The following RBFOX1 variants were observed in gnomAD, a reference collection of about 807,000 sequenced individuals.
RBFOX1 encodes the protein RNA binding fox-1 homolog 1, also known as RNA binding protein fox-1 homolog 1.
In RBFOX1, 8 loss-of-function variants were observed where a neutral mutation model predicts 57.7. That is an observed-to-expected ratio of 0.14 (90% CI 0.08 to 0.25). The LOEUF (loss-of-function observed/expected upper bound fraction) is 0.25, where lower values mean the gene tolerates loss of function less well. Among genes scored for constraint, RBFOX1 ranks in the 10% least tolerant of loss-of-function variants. RBFOX1 has a pLI of 1.00. For synonymous variants in RBFOX1, 326 were observed against 222.4 expected (o/e 1.47, Z -4.15); for missense variants, 611 against 548.5 (o/e 1.11, Z -1.14).
rs34468596 is a variant in RBFOX1, at chr16:7,610,118, CT to C, written c.676+2801del. Among the ~76,000 whole-genome samples the C allele has an allele frequency of 1.6e-3, 108 of 65,616 alleles. 1 individual carries two copies. The highest frequency in any genetic ancestry group is 0.012 in the East Asian group (34 of 2,912). The allele number at this position is 65,616 out of a possible 152,430, so 43.0% of individuals were successfully genotyped here. The stretch of plus-strand genomic sequence containing the variant: ...GGTGTGAGCCACTGCGCCCGGCCCC[CT>C]TTTTTTTTTTTTTTTTTTTTGAGGC... On this transcript the variant is annotated intron_variant, in intron 10 of 15. Transcript: ENST00000550418.
At chr16:6,779,785 TTTTATATATACTTTTATATATTTA>T (rs1567208208) in intron 3 of RBFOX1, among the ~76,000 whole-genome samples, 72 of 4,132 alleles carry the variant, frequency 0.017, 9 homozygotes, top group East Asian at 0.083. Context: ...TTATATATAT[TTTTATATATACTTTTATATATTTA>T]TATATATATT....
intron 2 of RBFOX1, among the ~76,000 whole-genome samples, chr16:6,611,727 G>A (rs534144338): frequency 2.4e-4 from 37 of 152,246 alleles, no homozygotes; most frequent in Middle Eastern, 6.8e-3. Flanking sequence ...CCCAGTAGAG[G>A]GCGTGAGTGG....
chr16:7,512,299 A>T (rs1469085616), intron 4 of RBFOX1, among the ~76,000 whole-genome samples: 1 of 152,170 alleles, frequency 6.6e-6, no homozygotes, highest in African/African-American at 2.4e-5. Context: ...GGTGCCCTTA[A>T]TGTCAGTGTA....
At chr16:7,663,980 G>A (rs1251554820) in intron 12 of RBFOX1, among the ~76,000 whole-genome samples, 2 of 152,146 alleles carry the variant, frequency 1.3e-5, no homozygotes, top group East Asian at 3.9e-4. Context: ...GCCCTCTGAA[G>A]TCTCTTCTTT....
chr16:5,593,407 G>A (rs886865085), intron 2 of RBFOX1, among the ~76,000 whole-genome samples: 2 of 152,114 alleles, frequency 1.3e-5, no homozygotes, highest in African/African-American at 4.8e-5. Flanking sequence ...GGGTTGATGG[G>A]TGCAGCAAAC....
At chr16:6,073,025 T>A (rs1012099394) in intron 1 of RBFOX1, among the ~76,000 whole-genome samples, 1 of 152,198 alleles carries the variant, frequency 6.6e-6, no homozygotes, top group African/African-American at 2.4e-5. Context: ...GAAAGGCTAG[T>A]GTATTTATGG....
rs549352602 is a variant in RBFOX1 at position 6,902,938 on chromosome 16, C to T, written c.-15-149119C>T. 1.5e-3 allele frequency among the ~76,000 whole-genome samples: 222 copies of T among 152,174 alleles called. 1 individual carries two copies. Among genetic ancestry groups the T allele is most frequent in the African/African-American group, 5.1e-3 (213 of 41,502 alleles). ...ATGTAGATTCTACTCTTTACTTGTT[C>T]GGGGCTTACAAGGGAGCAGAGAAGA... On this transcript the variant is annotated intron_variant, in intron 3 of 15. Coordinates refer to ENST00000550418, the MANE Select transcript of RBFOX1 (RefSeq NM_018723.4).
At chr16:7,135,560 A>T (rs1205248076) in intron 4 of RBFOX1, among the ~76,000 whole-genome samples, 1 of 152,258 alleles carries the variant, frequency 6.6e-6, no homozygotes, top group Non-Finnish European at 1.5e-5. Flanking sequence ...AACTTGTGAA[A>T]AATTAAAGTG....
At chr16:6,999,037 T>G (rs2092524742) in intron 3 of RBFOX1, among the ~76,000 whole-genome samples, 1 of 151,400 alleles carries the variant, frequency 6.6e-6, no homozygotes, top group East Asian at 1.9e-4. Context: ...CCTGGCTAAT[T>G]TTTGTATTAT....
At chr16:6,805,004 A>T (rs2086395403) in intron 3 of RBFOX1, among the ~76,000 whole-genome samples, 1 of 152,190 alleles carries the variant, frequency 6.6e-6, no homozygotes. Context: ...AAGATCTGAA[A>T]ACTGAATACC....
At chr16:6,950,361 TCTCTGTCC>T (rs766557418) in intron 3 of RBFOX1, among the ~76,000 whole-genome samples, 124 of 152,170 alleles carry the variant, frequency 8.1e-4, no homozygotes, top group Admixed American at 1.4e-3. Context: ...CTTGTGTGGA[TCTCTGTCC>T]CTCTGTCCAC....
chr16:5,970,908 A>C (rs1426607777), intron 4 of RBFOX1, among the ~76,000 whole-genome samples: 2 of 152,210 alleles, frequency 1.3e-5, no homozygotes, highest in African/African-American at 2.4e-5. Context: ...GTTGTCAAGC[A>C]TGTGTTCTCA....
At chr16:7,247,247 A>G (rs958654442) in intron 4 of RBFOX1, among the ~76,000 whole-genome samples, 6 of 152,130 alleles carry the variant, frequency 3.9e-5, no homozygotes, top group African/African-American at 1.2e-4. Context: ...CTATTGTGCA[A>G]ACGCCTTCAA....
chr16:5,699,030 C>A (rs1176139892), intron 3 of RBFOX1, among the ~76,000 whole-genome samples: 19 of 146,084 alleles, frequency 1.3e-4, no homozygotes, highest in African/African-American at 4.8e-4. Context: ...CTCTGTTGCC[C>A]GGGCTGGAAT....
intron 3 of RBFOX1, among the ~76,000 whole-genome samples, chr16:5,677,631 G>A (rs2151429280): frequency 6.6e-6 from 1 of 152,304 alleles, no homozygotes; most frequent in Non-Finnish European, 1.5e-5. Flanking sequence ...AATGACACAG[G>A]CATATTCCCT....
intron 2 of RBFOX1, among the ~76,000 whole-genome samples, chr16:5,517,692 A>G (rs1326640184): frequency 6.6e-6 from 1 of 152,236 alleles, no homozygotes; most frequent in Admixed American, 6.5e-5. Context: ...ATGAGGAACC[A>G]TCCAGATCAG....
intron 1 of RBFOX1, among the ~76,000 whole-genome samples, chr16:6,172,967 T>C (rs947176065): frequency 8.5e-5 from 13 of 152,172 alleles, no homozygotes; most frequent in South Asian, 4.1e-4. Flanking sequence ...CTGCAGACCT[T>C]AGCTCATGGC....
chr16:7,662,344 C>T (rs546642168), intron 12 of RBFOX1, among the ~76,000 whole-genome samples: 1 of 152,334 alleles, frequency 6.6e-6, no homozygotes, highest in South Asian at 2.1e-4. Flanking sequence ...TATTTCTCCT[C>T]CATTGACAAC....
rs768092124 is a variant in RBFOX1 at position 5,467,193 on chromosome 16, T to TCC, written c.220-22_220-21insCC. ...TGTTTCTTCTCTCTCTCTCTCTCTC[T>TCC]CTCTTTTTTTTTTTTAATGCAGGAT... On this transcript the variant is annotated intron_variant, in intron 1 of 2. Coordinates refer to the RBFOX1 transcript ENST00000585867. 2.4e-4 allele frequency: 354 copies of TCC among 1,459,156 alleles called. 1 individual carries two copies. The African/African-American group carries it at 4.5e-3, about 19-fold the overall frequency. The allele number at this position is 1,459,156 out of a possible 1,614,324, so 90.4% of individuals were successfully genotyped here. A position where few individuals can be genotyped will look rare whatever the true frequency, so the allele number is the denominator to read the frequency against.
Sources: gnomAD v4.1 joint callset for allele counts (sites outside exome capture counted in the v4.1 genomes callset) on GRCh38, gnomAD v4.1.1 for gene constraint, MANE v1.5 for transcripts, NCBI Gene and HGNC (gene_info 2026-07-23, HGNC 2026-07-21) for gene names.